RFTN2: variants seen among roughly 807,000 people sequenced by gnomAD.
RFTN2 encodes the protein raftlin family member 2.
Under a neutral mutation model 52.7 loss-of-function variants are expected in RFTN2, and 34 were observed. That is an observed-to-expected ratio of 0.64 (90% CI 0.49 to 0.86). The LOEUF (loss-of-function observed/expected upper bound fraction) is 0.86. Ranked by LOEUF, RFTN2 falls within the 40% of genes least tolerant of loss-of-function variation. The pLI is 0.00. For missense variants in RFTN2, 536 were observed against 600.1 expected (o/e 0.89, Z 1.12); for synonymous variants, 203 against 217.7 (o/e 0.93, Z 0.59).
Position 197,615,874 on chromosome 2 carries a change from A to G in RFTN2, c.1154+2T>C. On this transcript the variant is annotated splice_donor_variant, in intron 7 of 8. Transcript: ENST00000295049. LOFTEE classifies it high-confidence loss of function. Reference sequence around the variant, plus strand: ...TAGTATGTAAGGATACTTTTGCCTTACCTGTCATGTCTCAATACAGGTGTG... The same window carrying G: ...TAGTATGTAAGGATACTTTTGCCTTGCCTGTCATGTCTCAATACAGGTGTG... 6.6e-7 allele frequency: 1 copy of G among 1,510,896 alleles called. No homozygotes were observed. 93.6% of individuals were successfully genotyped at this position (1,510,896 alleles called of 1,614,324 possible).
chr2:197,590,931 A>C (rs2087700330), intron 8 of RFTN2, among the ~76,000 whole-genome samples: 2 of 152,180 alleles, frequency 1.3e-5, no homozygotes, highest in South Asian at 2.1e-4. Flanking sequence ...AAACTCCCCA[A>C]GTGGGGAAGA....
chr2:197,675,340 A>C lies in RFTN2; in HGVS notation c.119T>G (p.Leu40Trp). The stretch of plus-strand genomic sequence containing the variant: ...AGTACCTTGTAGAGTAAAATCCAGC[A>C]ATACATATTCGTAAGCAAATTCTGT... ...TKTEFAYEYV[L>W]LDFTLQASSN... is the part of the protein sequence containing the mutation. The change falls in exon 1 of 9, where the codon TTG becomes TGG. Residue 40 changes from leucine to tryptophan, a missense_variant. Physicochemically the swap from Leu to Trp is moderately conservative, Grantham distance 61 (BLOSUM62 -2). Transcript: ENST00000295049. 1 of 1,601,718 alleles carries C rather than the reference A, an allele frequency of 6.2e-7. No individual in the cohort carries two copies. Among genetic ancestry groups the C allele is most frequent in the Non-Finnish European group, 8.5e-7 (1 of 1,174,450 alleles).
chr2:197,635,720 G>A (rs1226876714), intron 3 of RFTN2, among the ~76,000 whole-genome samples: 104 of 136,920 alleles, frequency 7.6e-4, no homozygotes, highest in South Asian at 1.2e-3. Flanking sequence ...TTCTTTTGCT[G>A]TGCAGAAGCT....
intron 1 of RFTN2, among the ~76,000 whole-genome samples, chr2:197,651,238 C>T (rs575072541): frequency 6.6e-6 from 1 of 152,222 alleles, no homozygotes; most frequent in Admixed American, 6.5e-5. Context: ...GTTGACTGTC[C>T]TTTGATGCAC....
intron 7 of RFTN2, 22 bp downstream of exon 7, chr2:197,615,854 T>C (rs772818119): frequency 1.6e-6 from 2 of 1,219,922 alleles, no homozygotes; most frequent in Non-Finnish European, 2.4e-6. Flanking sequence ...AATGATAGTA[T>C]GTAAGGATAC....
intron 1 of RFTN2, among the ~76,000 whole-genome samples, chr2:197,669,058 G>T (rs1484900366): frequency 1.3e-5 from 2 of 152,168 alleles, no homozygotes; most frequent in African/African-American, 4.8e-5. Context: ...TGGAATTCCA[G>T]TGTGCTCTCT....
chr2:197,607,806 A>G (rs1451428779), intron 7 of RFTN2, among the ~76,000 whole-genome samples: 1 of 152,230 alleles, frequency 6.6e-6, no homozygotes, highest in Non-Finnish European at 1.5e-5. Flanking sequence ...TGTTAAAAAC[A>G]AAGAAAAGGG....
At chr2:197,612,106 C>A (rs1041408175) in intron 7 of RFTN2, among the ~76,000 whole-genome samples, 3 of 152,098 alleles carry the variant, frequency 2.0e-5, no homozygotes, top group African/African-American at 7.2e-5. Context: ...GTGGAGAGTT[C>A]TGTAGGTGTC....
chr2:197,590,262 A>G (rs1184750810), intron 8 of RFTN2, among the ~76,000 whole-genome samples: 1 of 152,028 alleles, frequency 6.6e-6, no homozygotes, highest in Admixed American at 6.6e-5. Context: ...GTTTTTTCCT[A>G]ATAGTTTTCT....
chr2:197,614,173 C>G (rs1394548693), intron 7 of RFTN2, among the ~76,000 whole-genome samples: 1 of 152,192 alleles, frequency 6.6e-6, no homozygotes, highest in African/African-American at 2.4e-5. Flanking sequence ...TAAGCTTAAC[C>G]AGCTCACAAG....
chr2:197,598,664 C>G lies in RFTN2; in HGVS notation c.1155-2595G>C, dbSNP rs1221962673. 4.6e-5 allele frequency among the ~76,000 whole-genome samples: 7 copies of G among 152,272 alleles called. No homozygotes were observed. In the East Asian group the frequency reaches 1.2e-3, roughly 25 times the overall value. ...CCGTGCATTCCAAACATTGAGGTGC[C>G]TGTTGATTCCAGGGTCCACTCCAGT... On this transcript the variant is annotated intron_variant, in intron 7 of 8. Transcript: ENST00000295049.
intron 7 of RFTN2, among the ~76,000 whole-genome samples, chr2:197,612,383 C>A (rs1314737697): frequency 6.6e-6 from 1 of 152,128 alleles, no homozygotes; most frequent in Admixed American, 6.6e-5. Flanking sequence ...CACATTCCTG[C>A]CCACACTCCA....
chr2:197,619,532 T>G (rs1255294132), intron 5 of RFTN2, among the ~76,000 whole-genome samples: 5 of 149,482 alleles, frequency 3.3e-5, no homozygotes, highest in Admixed American at 6.6e-5. Flanking sequence ...GTTAAACAGA[T>G]GCTTGAAGGC....
At chr2:197,666,331 C>T (rs908990542) in intron 1 of RFTN2, among the ~76,000 whole-genome samples, 5 of 152,220 alleles carry the variant, frequency 3.3e-5, no homozygotes, top group Non-Finnish European at 5.9e-5. Context: ...GTGCCTTGGC[C>T]TCCCAAAGTG....
At chr2:197,620,075 C>T in intron 5 of RFTN2, among the ~76,000 whole-genome samples, 1 of 151,188 alleles carries the variant, frequency 6.6e-6, no homozygotes, top group East Asian at 1.9e-4. Context: ...TTAAGAGAAA[C>T]AGCATAAAAC....
Position 197,674,681 on chromosome 2 carries a change from A to G in RFTN2, c.139+639T>C, listed in dbSNP as rs79789118. 0.015 allele frequency among the ~76,000 whole-genome samples: 2,220 copies of G among 152,286 alleles called. 122 individuals carry two copies. In the East Asian group the frequency reaches 0.18, roughly 13 times the overall value. On this transcript the variant is annotated intron_variant, in intron 1 of 8. Coordinates refer to ENST00000295049, the MANE Select transcript of RFTN2 (RefSeq NM_144629.3). ...AAATCGAGCCACCTCGATTCCTTCC[A>G]CAGAGCTGCCATCTGGGCTTGTTTA...
At chr2:197,616,444 A>G (rs1458327008) in intron 6 of RFTN2, among the ~76,000 whole-genome samples, 1 of 151,822 alleles carries the variant, frequency 6.6e-6, no homozygotes, top group Non-Finnish European at 1.5e-5. Context: ...GGTGCATGAC[A>G]CTATGCCTGG....
intron 5 of RFTN2, among the ~76,000 whole-genome samples, chr2:197,618,535 G>A (rs1383796751): frequency 1.3e-5 from 2 of 151,794 alleles, no homozygotes; most frequent in South Asian, 2.1e-4. Flanking sequence ...GAGCGTCTCC[G>A]CCTGGCCGCC....
chr2:197,613,895 C>A (rs1324102209), intron 7 of RFTN2, among the ~76,000 whole-genome samples: 2 of 152,210 alleles, frequency 1.3e-5, no homozygotes, highest in Non-Finnish European at 2.9e-5. Flanking sequence ...TTACATTTTT[C>A]TGCTATCTTC....
Sources: allele counts gnomAD v4.1 joint callset (sites outside exome capture counted in the v4.1 genomes callset), GRCh38; gene constraint gnomAD v4.1.1; transcripts MANE v1.5; gene names NCBI Gene and HGNC (gene_info 2026-07-23, HGNC 2026-07-21).